The following ITPR2 variants were observed in gnomAD, a reference collection of about 807,000 sequenced individuals.
ITPR2 encodes inositol 1,4,5-trisphosphate-gated calcium channel ITPR2.
Under a neutral mutation model 317.1 loss-of-function variants are expected in ITPR2, and 207 were observed. That is an observed-to-expected ratio of 0.65 (90% CI 0.58 to 0.73). The LOEUF is 0.73. Ranked by LOEUF, ITPR2 falls within the 30% of genes least tolerant of loss-of-function variation. The pLI, the probability that ITPR2 is intolerant of heterozygous loss-of-function variation, is 0.00. For synonymous variants in ITPR2, 1,156 were observed against 1,149.1 expected (o/e 1.01, Z -0.12); for missense variants, 2,613 against 3,284.0 (o/e 0.80, Z 4.99).
At chr12:26,765,746 T>C (rs1949709490) in intron 2 of ITPR2, among the ~76,000 whole-genome samples, 1 of 152,126 alleles carries the variant, frequency 6.6e-6, no homozygotes, top group Admixed American at 6.5e-5. Context: ...CAACTAATTT[T>C]AGAACATTTT....
At position 26,832,781 on chromosome 12, in the gene ITPR2, T is replaced by TGCTGCTTCATGTTCCACAGTGGACGTCCC; in HGVS notation, c.-29_-1dup. On this transcript the variant is annotated 5_prime_UTR_variant, in exon 1 of 57. Transcript: ENST00000381340. ...AGGAAGCTGGACATTTTCTCAGTCA[T>TGCTGCTTCATGTTCCACAGTGGACGTCCC]GCTGCTTCATGTTCCACAGTGGACG... 6.3e-7 allele frequency: 1 copy of TGCTGCTTCATGTTCCACAGTGGACGTCCC among 1,598,666 alleles called. No homozygotes were observed. Among genetic ancestry groups the TGCTGCTTCATGTTCCACAGTGGACGTCCC allele is most frequent in the Non-Finnish European group, 8.5e-7 (1 of 1,172,480 alleles).
intron 45 of ITPR2, among the ~76,000 whole-genome samples, chr12:26,460,406 C>A (rs1253209344): frequency 2.0e-5 from 3 of 152,130 alleles, no homozygotes; most frequent in African/African-American, 7.2e-5. Flanking sequence ...CATATATTTT[C>A]ATGTGTATAA....
At chr12:26,715,638 G>A in intron 7 of ITPR2, 114 bp downstream of exon 7, 2 of 779,330 alleles carry the variant, frequency 2.6e-6, no homozygotes, top group Non-Finnish European at 4.1e-6. Context: ...GTATTAACAT[G>A]TGTAGTCACA....
At chr12:26,437,597 T>G (rs1486315517) in intron 47 of ITPR2, among the ~76,000 whole-genome samples, 1 of 152,198 alleles carries the variant, frequency 6.6e-6, no homozygotes, top group African/African-American at 2.4e-5. Context: ...ATCCACCAAA[T>G]GAATTAGACT....
At chr12:26,518,507 G>GA (rs1943585905) in intron 37 of ITPR2, among the ~76,000 whole-genome samples, 1 of 149,580 alleles carries the variant, frequency 6.7e-6, no homozygotes, top group South Asian at 2.2e-4. Context: ...ATGTACCCCC[G>GA]AACCTAAAAT....
intron 55 of ITPR2, among the ~76,000 whole-genome samples, chr12:26,353,848 A>G (rs1248967678): frequency 6.6e-6 from 1 of 151,840 alleles, no homozygotes; most frequent in Non-Finnish European, 1.5e-5. Context: ...AAAACTATAC[A>G]CACACACACA....
Position 26,387,455 on chromosome 12 carries a change from A to G in ITPR2, c.7836T>C (p.Ser2612=). 6.2e-7 allele frequency: 1 copy of G among 1,613,736 alleles called. No individual in the cohort carries two copies. Among genetic ancestry groups the G allele is most frequent in the East Asian group, 2.2e-5 (1 of 44,834 alleles). The change falls in exon 55 of 57, where the codon AGT becomes AGC. Residue 2612 remains serine (S), a synonymous_variant. Transcript: ENST00000381340. ...KDPTEYTGPE[S]YVAQMIVEKN... ...TCACCACAATCATTTGAGCCACATA[A>G]CTTTCAGGTCCAGTGTATTCTGTTG...
At chr12:26,430,091 A>G (rs1941165106) in intron 48 of ITPR2, among the ~76,000 whole-genome samples, 2 of 152,232 alleles carry the variant, frequency 1.3e-5, no homozygotes, top group South Asian at 4.1e-4. Flanking sequence ...AGTGTCTAGT[A>G]TAGTAGCTTG....
Position 26,494,353 on chromosome 12 carries a change from AAAAT to A in ITPR2, c.5183-17_5183-14del, listed in dbSNP as rs763683918. On this transcript the variant is annotated splice_polypyrimidine_tract_variant and intron_variant, in intron 38 of 56. Transcript: ENST00000381340. The stretch of plus-strand genomic sequence containing the variant: ...CCAGAAAAGCTTCCTGTGATTGGGA[AAAAT>A]AAATAAATAAACCTTAATTGTAGAC... 9.0e-6 allele frequency: 14 copies of A among 1,563,148 alleles called. No homozygotes were observed. The highest frequency in any genetic ancestry group is 1.8e-5 in the Admixed American group (1 of 55,426).
chr12:26,711,029 A>G (rs547423950), intron 9 of ITPR2, 144 bp downstream of exon 9: 81 of 576,794 alleles, frequency 1.4e-4, no homozygotes, highest in African/African-American at 1.4e-3. Context: ...AAAATAATTT[A>G]TATGCCAATC....
chr12:26,790,324 T>C, intron 1 of ITPR2, 97 bp from the exon 2 acceptor site: 1 of 919,680 alleles, frequency 1.1e-6, no homozygotes, highest in South Asian at 1.4e-5. Context: ...CCAAAAGTTT[T>C]AATACCTTTC....
At chr12:26,684,536 A>G (rs1294563858) in intron 11 of ITPR2, among the ~76,000 whole-genome samples, 1 of 152,206 alleles carries the variant, frequency 6.6e-6, no homozygotes, top group Non-Finnish European at 1.5e-5. Flanking sequence ...ATACATAAAA[A>G]GTGCTTCAAG....
chr12:26,424,290 G>A (rs1940978511), intron 49 of ITPR2, among the ~76,000 whole-genome samples: 2 of 152,118 alleles, frequency 1.3e-5, no homozygotes, highest in African/African-American at 2.4e-5. Context: ...GAAATTCAAA[G>A]TCTTGTTGAT....
At chr12:26,443,013 G>A (rs902783165) in intron 46 of ITPR2, among the ~76,000 whole-genome samples, 1 of 152,078 alleles carries the variant, frequency 6.6e-6, no homozygotes, top group African/African-American at 2.4e-5. Context: ...CTCCTGGACT[G>A]CCACCAACCA....
intron 2 of ITPR2, among the ~76,000 whole-genome samples, chr12:26,785,442 C>T (rs1950214592): frequency 1.1e-5 from 1 of 87,180 alleles, no homozygotes; most frequent in African/African-American, 3.5e-5. Context: ...GGGGTCAGCC[C>T]CCTGCCCGGC....
At chr12:26,532,292 A>T (rs1047994864) in intron 37 of ITPR2, among the ~76,000 whole-genome samples, 1 of 152,254 alleles carries the variant, frequency 6.6e-6, no homozygotes, top group South Asian at 2.1e-4. Flanking sequence ...CCACTTGCCA[A>T]AACAAATAGC....
intron 1 of ITPR2, among the ~76,000 whole-genome samples, chr12:26,807,207 G>A (rs578153968): frequency 9.3e-4 from 141 of 151,424 alleles, no homozygotes; most frequent in African/African-American, 3.4e-3. Context: ...CAAAAAAGAA[G>A]ATATATATAT....
At chr12:26,644,364 C>T (rs1390857853) in intron 21 of ITPR2, among the ~76,000 whole-genome samples, 2 of 152,094 alleles carry the variant, frequency 1.3e-5, no homozygotes, top group African/African-American at 2.4e-5. Context: ...AGCTGTGGGG[C>T]CCAGGCAATA....
At chr12:26,825,362 T>C (rs920741037) in intron 1 of ITPR2, among the ~76,000 whole-genome samples, 1 of 152,238 alleles carries the variant, frequency 6.6e-6, no homozygotes, top group African/African-American at 2.4e-5. Context: ...TCACTGTTAT[T>C]ATAGCATAAA....
Sources: gnomAD v4.1 joint callset for allele counts (sites outside exome capture counted in the v4.1 genomes callset) on GRCh38, gnomAD v4.1.1 for gene constraint, MANE v1.5 for transcripts, NCBI Gene and HGNC (gene_info 2026-07-23, HGNC 2026-07-21) for gene names.